FAM171A1: variants seen among roughly 807,000 people sequenced by gnomAD.
The protein encoded by FAM171A1 is family with sequence similarity 171 member A1.
In FAM171A1, 23 loss-of-function variants were observed where a neutral mutation model predicts 74.9. The observed-to-expected ratio is 0.31, with a 90% CI of 0.22 to 0.44. The LOEUF is 0.44. FAM171A1 is among the 20% of genes least tolerant of loss of function. FAM171A1 has a pLI of 1.00. For missense variants in FAM171A1, 1,162 were observed against 1,159.2 expected, an observed-to-expected ratio of 1.00 and a Z score of -0.03; for synonymous variants, 527 against 505.7, an observed-to-expected ratio of 1.04 and a Z score of -0.57.
intron 5 of FAM171A1, among the ~76,000 whole-genome samples, chr10:15,243,045 G>C (rs1165075527): frequency 6.6e-6 from 1 of 152,164 alleles, no homozygotes; most frequent in African/African-American, 2.4e-5. Context: ...GGAGGTCAGA[G>C]GTCCAAAACC....
chr10:15,315,842 C>T (rs1835415587), intron 1 of FAM171A1, among the ~76,000 whole-genome samples: 1 of 152,028 alleles, frequency 6.6e-6, no homozygotes, highest in Non-Finnish European at 1.5e-5. Flanking sequence ...TCCCCTTGCC[C>T]TCGCCCCCTG....
chr10:15,220,612 C>A (rs1834025393), intron 6 of FAM171A1, among the ~76,000 whole-genome samples: 1 of 152,028 alleles, frequency 6.6e-6, no homozygotes, highest in African/African-American at 2.4e-5. Flanking sequence ...TGTGCCTATA[C>A]CAGGCCACAG....
At chr10:15,232,953 C>T (rs1834226504) in intron 5 of FAM171A1, among the ~76,000 whole-genome samples, 1 of 152,184 alleles carries the variant, frequency 6.6e-6, no homozygotes, top group Non-Finnish European at 1.5e-5. Flanking sequence ...TATAGGAATA[C>T]CTGTTTTTCT....
intron 1 of FAM171A1, among the ~76,000 whole-genome samples, chr10:15,318,605 T>C (rs529589690): frequency 5.8e-4 from 88 of 152,314 alleles, no homozygotes; most frequent in Non-Finnish European, 1.1e-3. Flanking sequence ...CGTAGGTCAG[T>C]TGTTTTTAAG....
At chr10:15,316,969 G>A (rs1835429372) in intron 1 of FAM171A1, among the ~76,000 whole-genome samples, 1 of 151,980 alleles carries the variant, frequency 6.6e-6, no homozygotes, top group African/African-American at 2.4e-5. Context: ...GGTGATGCAA[G>A]GACTGAAGAG....
chr10:15,362,000 C>T (rs1836000556), intron 1 of FAM171A1, among the ~76,000 whole-genome samples: 1 of 152,174 alleles, frequency 6.6e-6, no homozygotes. Flanking sequence ...TTTTCACTTC[C>T]AAGGTATCTT....
chr10:15,295,227 C>T (rs531569093), intron 1 of FAM171A1, among the ~76,000 whole-genome samples: 1 of 152,284 alleles, frequency 6.6e-6, no homozygotes, highest in African/African-American at 2.4e-5. Context: ...CGTGAGCCAC[C>T]ACGCCCGGCC....
chr10:15,298,862 A>G (rs1835192873), intron 1 of FAM171A1, among the ~76,000 whole-genome samples: 1 of 152,204 alleles, frequency 6.6e-6, no homozygotes, highest in African/African-American at 2.4e-5. Flanking sequence ...ACCCACAAGG[A>G]TTTCTAAAGA....
intron 1 of FAM171A1, among the ~76,000 whole-genome samples, chr10:15,317,385 ATTTTT>A (rs773934358): frequency 1.3e-5 from 2 of 152,050 alleles, no homozygotes; most frequent in East Asian, 3.9e-4. Context: ...CTCATATTTT[ATTTTT>A]TTTAATTTTA....
At chr10:15,238,684 G>A (rs1028989991) in intron 5 of FAM171A1, among the ~76,000 whole-genome samples, 2 of 152,144 alleles carry the variant, frequency 1.3e-5, no homozygotes, top group Admixed American at 6.5e-5. Context: ...AAGTGCAGAC[G>A]AATCTACTAC....
chr10:15,306,192 AT>A (rs1423701178), intron 1 of FAM171A1, among the ~76,000 whole-genome samples: 1 of 152,240 alleles, frequency 6.6e-6, no homozygotes, highest in African/African-American at 2.4e-5. Context: ...GATTGAGAAG[AT>A]TTTAAGTTAC....
At chr10:15,222,790 G>A (rs1217704330) in intron 5 of FAM171A1, among the ~76,000 whole-genome samples, 1 of 152,250 alleles carries the variant, frequency 6.6e-6, no homozygotes, top group Non-Finnish European at 1.5e-5. Context: ...CATGGCAGCG[G>A]CACACAGTGG....
At chr10:15,319,601 T>A (rs570224152) in intron 1 of FAM171A1, among the ~76,000 whole-genome samples, 61 of 152,050 alleles carry the variant, frequency 4.0e-4, no homozygotes, top group Non-Finnish European at 6.9e-4. Flanking sequence ...GCCAGCTAAT[T>A]TTTGTCTATT....
At chr10:15,282,010 A>G (rs755672197) in intron 2 of FAM171A1, among the ~76,000 whole-genome samples, 1 of 152,172 alleles carries the variant, frequency 6.6e-6, no homozygotes, top group Non-Finnish European at 1.5e-5. Context: ...GCTAAAGCTT[A>G]TTTGTAACCC....
intron 1 of FAM171A1, among the ~76,000 whole-genome samples, chr10:15,345,438 G>A (rs1382798527): frequency 6.6e-6 from 1 of 152,136 alleles, no homozygotes; most frequent in Non-Finnish European, 1.5e-5. Flanking sequence ...ACACCCAAAG[G>A]GGACAACACC....
chr10:15,354,216 C>A (rs954399592), intron 1 of FAM171A1, among the ~76,000 whole-genome samples: 1 of 152,072 alleles, frequency 6.6e-6, no homozygotes, highest in African/African-American at 2.4e-5. Context: ...GGTGGGCAGG[C>A]TGGGCATGGT....
At chr10:15,230,454 T>C (rs527901975) in intron 5 of FAM171A1, among the ~76,000 whole-genome samples, 30 of 152,312 alleles carry the variant, frequency 2.0e-4, no homozygotes, top group Non-Finnish European at 4.1e-4. Flanking sequence ...GCAAGTACAT[T>C]TCAGGACTGG....
At chr10:15,258,408 T>G (rs1011017678) in intron 3 of FAM171A1, among the ~76,000 whole-genome samples, 5 of 152,202 alleles carry the variant, frequency 3.3e-5, no homozygotes, top group African/African-American at 1.2e-4. Flanking sequence ...AATTTAACTT[T>G]TGCTTATTCA....
chr10:15,219,823 G>A lies in FAM171A1; in HGVS notation c.871+1121C>T, dbSNP rs558884390. Among the ~76,000 whole-genome samples, 16 of 152,220 alleles carry A rather than the reference G, an allele frequency of 1.1e-4. 1 individual carries two copies. In the South Asian group the frequency reaches 2.5e-3, roughly 24 times the overall value. ...TCTTGATCTCCTGACCTCGTGATCC[G>A]CCCTCCTCGGCTTCCCAAAGTGCTG... On this transcript the variant is annotated intron_variant, in intron 6 of 7. Transcript: ENST00000378116.
Sources: gnomAD v4.1 joint callset for allele counts (sites outside exome capture counted in the v4.1 genomes callset) on GRCh38, gnomAD v4.1.1 for gene constraint, MANE v1.5 for transcripts, NCBI Gene and HGNC (gene_info 2026-07-23, HGNC 2026-07-21) for gene names.